The following SNRNP200 variants were observed in gnomAD, a reference collection of about 807,000 sequenced individuals.
SNRNP200 encodes U5 small nuclear ribonucleoprotein 200 kDa helicase.
A neutral mutation model predicts 255.2 loss-of-function variants in SNRNP200; 66 were observed. That is an observed-to-expected ratio of 0.26 (90% CI 0.21 to 0.32). The LOEUF is 0.32. Among genes scored for constraint, SNRNP200 ranks in the 10% least tolerant of loss-of-function variants. SNRNP200 has a pLI of 1.00. For synonymous variants in SNRNP200, 939 were observed against 1,027.8 expected (o/e 0.91, Z 1.65); for missense variants, 1,585 against 2,749.8 (o/e 0.58, Z 9.47).
At chr2:96,284,653 A>G in intron 30 of SNRNP200, 68 bp from the exon 31 acceptor site, 1 of 1,115,112 alleles carries the variant, frequency 9.0e-7, no homozygotes, top group Non-Finnish European at 1.4e-6. Flanking sequence ...TATGTGAGGA[A>G]AACCTGAGAT....
chr2:96,277,137 G>A lies in SNRNP200; in HGVS notation c.6036C>T (p.Asn2012=). The A allele has an allele frequency of 1.2e-6, 2 of 1,614,192 alleles. No homozygotes were observed. The highest frequency in any genetic ancestry group is 1.7e-6 in the Non-Finnish European group (2 of 1,180,042). Reference sequence around the variant, plus strand: ...AAGATAGTTCGATATTAGGGTAGCGGTTACAAAAGCGAGCCACATCTGCAA... The same window carrying A: ...AAGATAGTTCGATATTAGGGTAGCGATTACAAAAGCGAGCCACATCTGCAA... ...SQIADVARFC[N]RYPNIELSYE... Residue 2012 remains asparagine (N), a synonymous_variant, in exon 42 of 45, where the codon AAC becomes AAT. Coordinates refer to ENST00000323853, the MANE Select transcript of SNRNP200 (RefSeq NM_014014.5). The surrounding 1 kb of genome is among the most constrained non-coding windows in gnomAD (Gnocchi z 4.4).
chr2:96,285,752 C>G (rs562090453), intron 29 of SNRNP200, among the ~76,000 whole-genome samples: 116 of 152,292 alleles, frequency 7.6e-4, no homozygotes, highest in African/African-American at 2.6e-3. Context: ...GAGCCTTATC[C>G]CTGGCATCAA....
At chr2:96,301,437 G>T in intron 4 of SNRNP200, 87 bp downstream of exon 4, 1 of 1,385,952 alleles carries the variant, frequency 7.2e-7, no homozygotes, top group Non-Finnish European at 1.0e-6. Context: ...TGACATTAAG[G>T]TTTTTAAATG....
chr2:96,295,662 T>C lies in SNRNP200; in HGVS notation c.1672-4A>G, dbSNP rs1368572365. The C allele has an allele frequency of 6.2e-7, 1 of 1,613,178 alleles. No homozygotes were observed. Among genetic ancestry groups the C allele is most frequent in the South Asian group, 1.1e-5 (1 of 91,030 alleles). On this transcript the variant is annotated splice_polypyrimidine_tract_variant and splice_region_variant and intron_variant, in intron 13 of 44. Coordinates refer to ENST00000323853, the MANE Select transcript of SNRNP200 (RefSeq NM_014014.5). ...TGATGCCATAAGTGGCCAGGCGCTG[T>C]GGGAGGAAAACTACATCAGGCAGGA...
intron 4 of SNRNP200, 135 bp downstream of exon 4, chr2:96,301,389 A>G (rs1558772390): frequency 2.1e-6 from 2 of 969,098 alleles, no homozygotes; most frequent in Non-Finnish European, 1.7e-6. Context: ...ATCAATTGTA[A>G]CTCTTCAAAA....
chr2:96,293,410 G>A lies in SNRNP200; in HGVS notation c.1942C>T (p.Leu648Phe). 1.9e-6 allele frequency: 3 copies of A among 1,613,850 alleles called. No individual in the cohort carries two copies. The highest frequency in any genetic ancestry group is 2.5e-6 in the Non-Finnish European group (3 of 1,179,970). Residue 648 changes from leucine to phenylalanine, a missense_variant, in exon 15 of 45, where the codon CTC becomes TTC. By Grantham distance (22) the Leu-to-Phe change is conservative. Around this residue, in one of 9 missense-constraint regions of SNRNP200, gnomAD observed 140 missense variants for 274.9 expected, o/e 0.51. Coordinates refer to ENST00000323853, the MANE Select transcript of SNRNP200 (RefSeq NM_014014.5). ...NIEMTQEDVR[L>F]IGLSATLPNY... ...GGTAGGGTGGCACTGAGACCAATGA[G>A]TCGGACATCCTCTTGGGTCATCTCA...
In SNRNP200 at chr2:96,303,111, A is replaced by G. The variant is rs753904650; in HGVS notation, c.381+48T>C. 4 of 1,595,012 alleles carry G rather than the reference A, an allele frequency of 2.5e-6. No homozygotes were observed. In the Admixed American group the frequency reaches 6.7e-5, roughly 27 times the overall value. On this transcript the variant is annotated intron_variant, in intron 3 of 44. Transcript: ENST00000323853. Reference sequence around the variant, plus strand: ...CCAAGGATCTTAGAAGCTGTATGCCAGAAAATGAAATAAAGACCTAATATA... The same window carrying G: ...CCAAGGATCTTAGAAGCTGTATGCCGGAAAATGAAATAAAGACCTAATATA...
chr2:96,294,979 G>A (rs1470929522), intron 14 of SNRNP200, among the ~76,000 whole-genome samples: 2 of 152,200 alleles, frequency 1.3e-5, no homozygotes, highest in Non-Finnish European at 2.9e-5. Context: ...GGGAGGCTGA[G>A]GTGGGTAGAT....
rs773041831 is a variant in SNRNP200, at chr2:96,286,488, C to T, written c.3830-4G>A. The stretch of plus-strand genomic sequence containing the variant: ...ACAGGCAGCTGGGTCTCACAAGCTG[C>T]CAGAAAAGAAACAGGAAGGATATAA... On this transcript the variant is annotated splice_region_variant and splice_polypyrimidine_tract_variant and intron_variant, in intron 28 of 44. Transcript: ENST00000323853. This position sits in a 1 kb window ranked among gnomAD's most constrained non-coding sequence, Gnocchi z 4.8. 6.2e-7 allele frequency: 1 copy of T among 1,613,904 alleles called. No individual in the cohort carries two copies. Among genetic ancestry groups the T allele is most frequent in the Non-Finnish European group, 8.5e-7 (1 of 1,179,988 alleles).
rs532045337 is a variant in SNRNP200 at position 96,277,528 on chromosome 2, A to G, written c.5931+11T>C. 6.2e-7 allele frequency: 1 copy of G among 1,612,208 alleles called. No homozygotes were observed. Among genetic ancestry groups the G allele is most frequent in the African/African-American group, 1.3e-5 (1 of 74,948 alleles). On this transcript the variant is annotated intron_variant, in intron 41 of 44. Transcript: ENST00000323853. This position sits in a 1 kb window ranked among gnomAD's most constrained non-coding sequence, Gnocchi z 4.4. ...CTCACCCACCTGACCCTCTAGGCTG[A>G]CCCGGCTCACCTTGTCTGTGCAACG... is the stretch of plus-strand genomic sequence containing the variant.
At chr2:96,292,057 G>A (rs752359281) in intron 16 of SNRNP200, among the ~76,000 whole-genome samples, 157 bp from the exon 17 acceptor site, 5 of 152,194 alleles carry the variant, frequency 3.3e-5, no homozygotes, top group Non-Finnish European at 5.9e-5. Flanking sequence ...GCCTAAACAC[G>A]GCTGGAAAGA....
At chr2:96,302,071 CAATCT>C (rs2063956708) in intron 3 of SNRNP200, among the ~76,000 whole-genome samples, 1 of 152,302 alleles carries the variant, frequency 6.6e-6, no homozygotes, top group East Asian at 1.9e-4. Context: ...TAATGGTCCC[CAATCT>C]AATCACACAT....
Position 96,291,730 on chromosome 2 carries a change from A to G in SNRNP200, c.2310+21T>C. The G allele has an allele frequency of 6.2e-7, 1 of 1,613,642 alleles. No individual in the cohort carries two copies. The highest frequency in any genetic ancestry group is 1.1e-5 in the South Asian group (1 of 91,082). On this transcript the variant is annotated intron_variant, in intron 17 of 44. Coordinates refer to ENST00000323853, the MANE Select transcript of SNRNP200 (RefSeq NM_014014.5). This position sits in a 1 kb window ranked among gnomAD's most constrained non-coding sequence, Gnocchi z 4.2. Reference sequence around the variant, plus strand: ...ACAGCTGCCAGGTAGGAATGAGAGAACCCAGCTGGCCCCTCCTCACCTTGC... The same window carrying G: ...ACAGCTGCCAGGTAGGAATGAGAGAGCCCAGCTGGCCCCTCCTCACCTTGC...
At position 96,305,415 on chromosome 2, in the gene SNRNP200, C is replaced by T. The variant is rs756702490; in HGVS notation, c.23G>A (p.Ser8Asn). 43 of 1,614,188 alleles carry T rather than the reference C, an allele frequency of 2.7e-5. No individual in the cohort carries two copies. Among genetic ancestry groups the T allele is most frequent in the Non-Finnish European group, 3.5e-5 (41 of 1,180,036 alleles). The part of the protein sequence containing the change: MADVTAR[S>N]LQYEYKANSN... ...CACCGCCTTGTACTCGTATTGCAGA[C>T]TACGGGCGGTTACATCCGCCATGGC... The change falls in exon 1 of 45, where the codon AGT becomes AAT. Residue 8 changes from serine to asparagine, a missense_variant. Transcript: ENST00000323853.
rs762313931 is a variant in SNRNP200 at position 96,286,888 on chromosome 2, G to C, written c.3640-11C>G. On this transcript the variant is annotated splice_polypyrimidine_tract_variant and intron_variant, in intron 27 of 44. Coordinates refer to ENST00000323853, the MANE Select transcript of SNRNP200 (RefSeq NM_014014.5). The surrounding 1 kb of genome is among the most constrained non-coding windows in gnomAD (Gnocchi z 4.8). Reference sequence around the variant, plus strand: ...GGATGAACCATGCACCTGCCAACAGGAGCAAGGGTAAAAGGAATGTGAGTC... The same window carrying C: ...GGATGAACCATGCACCTGCCAACAGCAGCAAGGGTAAAAGGAATGTGAGTC... 5 of 1,614,018 alleles carry C rather than the reference G, an allele frequency of 3.1e-6. No homozygotes were observed. The highest frequency in any genetic ancestry group is 4.2e-6 in the Non-Finnish European group (5 of 1,180,032).
At chr2:96,288,634 T>A (rs937639415) in intron 24 of SNRNP200, 29 bp downstream of exon 24, 16 of 1,595,050 alleles carry the variant, frequency 1.0e-5, no homozygotes, top group Non-Finnish European at 1.4e-5. Flanking sequence ...AGGCCCCTTC[T>A]CACAGCTGCC....
chr2:96,303,764 C>T (rs552681530), intron 2 of SNRNP200, among the ~76,000 whole-genome samples: 2 of 152,132 alleles, frequency 1.3e-5, no homozygotes, highest in African/African-American at 4.8e-5. Context: ...GTGGCGAGCG[C>T]CTGTAATCCC....
At chr2:96,281,502 G>T (rs1684760074) in intron 35 of SNRNP200, 1 of 375,628 alleles carries the variant, frequency 2.7e-6, no homozygotes, top group Non-Finnish European at 5.2e-6. Flanking sequence ...CTATATAGGT[G>T]TATGACCTCG....
chr2:96,283,072 A>G lies in SNRNP200; in HGVS notation c.4915+129T>C, dbSNP rs1479380176. On this transcript the variant is annotated intron_variant, in intron 34 of 44. Transcript: ENST00000323853. The surrounding 1 kb of genome is among the most constrained non-coding windows in gnomAD (Gnocchi z 4.7). ...GGAGGATCAAATGAGTTAACAGCCA[A>G]GAGTCCTAAACAGTATTTTGAAAAT... 9.8e-6 allele frequency: 12 copies of G among 1,224,592 alleles called. No individual in the cohort carries two copies. Among genetic ancestry groups the G allele is most frequent in the Admixed American group, 3.4e-5 (2 of 58,054 alleles). The allele number at this position is 1,224,592 out of a possible 1,614,324, so 75.9% of individuals were successfully genotyped here. A position where few individuals can be genotyped will look rare whatever the true frequency, so the allele number is the denominator to read the frequency against.
Sources: gnomAD v4.1 joint callset for allele counts (sites outside exome capture counted in the v4.1 genomes callset) on GRCh38, gnomAD v4.1.1 for gene constraint, gnomAD v4.1.1 regional missense constraint, Gnocchi (gnomAD v3.1) non-coding constraint, MANE v1.5 for transcripts, NCBI Gene and HGNC (gene_info 2026-07-23, HGNC 2026-07-21) for gene names.